The following SNX13 variants were observed in gnomAD, a reference collection of about 807,000 sequenced individuals.
SNX13 encodes the protein sorting nexin 13.
A neutral mutation model predicts 133.6 loss-of-function variants in SNX13; 45 were observed. The observed-to-expected ratio is 0.34, with a 90% CI of 0.27 to 0.43. The LOEUF (loss-of-function observed/expected upper bound fraction) is 0.43. SNX13 is among the 20% of genes least tolerant of loss of function. The pLI is 1.00. For synonymous variants in SNX13, 414 were observed against 373.9 expected (o/e 1.11, Z -1.24); for missense variants, 1,032 against 1,145.1 (o/e 0.90, Z 1.43).
chr7:17,805,254 T>TGTGTGTGC lies in SNX13; in HGVS notation c.2065-1675_2065-1674insGCACACAC, dbSNP rs537620797. On this transcript the variant is annotated intron_variant, in intron 20 of 25. Coordinates refer to ENST00000428135, the MANE Select transcript of SNX13 (RefSeq NM_015132.5). ...GTGTGTGTGTGTGTGTGTGTGTGCG[T>TGTGTGTGC]GCGCGCGCGCGCATGCATGCACATG... Among the ~76,000 whole-genome samples, 865 of 132,458 alleles carry TGTGTGTGC rather than the reference T, an allele frequency of 6.5e-3. 23 individuals carry two copies. Among genetic ancestry groups the TGTGTGTGC allele is most frequent in the East Asian group, 0.034 (160 of 4,644 alleles). 86.9% of individuals were successfully genotyped at this position (132,458 alleles called of 152,430 possible). A position where few individuals can be genotyped will look rare whatever the true frequency, so the allele number is the denominator to read the frequency against.
At chr7:17,882,375 A>G (rs1795447349) in intron 5 of SNX13, 1 of 152,210 alleles carries the variant, frequency 6.6e-6, no homozygotes, top group Admixed American at 6.5e-5. Context: ...TCTATAAAGA[A>G]CAGCAATAGT....
intron 5 of SNX13, among the ~76,000 whole-genome samples, chr7:17,887,349 G>C (rs1796120716): frequency 6.6e-6 from 1 of 152,138 alleles, no homozygotes; most frequent in Non-Finnish European, 1.5e-5. Flanking sequence ...TATTTAGAGG[G>C]TGAATAAAAA....
At chr7:17,908,495 T>C (rs946764007) in intron 1 of SNX13, among the ~76,000 whole-genome samples, 4 of 152,150 alleles carry the variant, frequency 2.6e-5, no homozygotes, top group Non-Finnish European at 5.9e-5. Flanking sequence ...GAAATTGTTA[T>C]CTCCCATGAA....
chr7:17,845,841 T>C (rs1038696113), intron 11 of SNX13, 147 bp from the exon 12 acceptor site: 5 of 521,218 alleles, frequency 9.6e-6, no homozygotes, highest in African/African-American at 2.0e-5. Flanking sequence ...CCAATAGATA[T>C]ACATTGTGTG....
At chr7:17,899,162 C>CA in intron 1 of SNX13, 1 of 152,318 alleles carries the variant, frequency 6.6e-6, no homozygotes, top group South Asian at 2.1e-4. Flanking sequence ...GTACAACTTC[C>CA]ACTGAGAAGT....
chr7:17,938,792 T>G (rs1224630233), intron 1 of SNX13, among the ~76,000 whole-genome samples: 1 of 152,224 alleles, frequency 6.6e-6, no homozygotes, highest in Non-Finnish European at 1.5e-5. Flanking sequence ...GATCATATCA[T>G]ATAATATTAC....
intron 20 of SNX13, among the ~76,000 whole-genome samples, chr7:17,805,254 T>TGCCTGCGCGCGCGCGCGCGC: frequency 7.6e-6 from 1 of 132,440 alleles, no homozygotes; most frequent in Non-Finnish European, 1.6e-5. Context: ...TGTGTGTGCG[T>TGCCTGCGCGCGCGCGCGCGC]GCGCGCGCGC....
intron 1 of SNX13, chr7:17,898,090 T>C (rs79633583): frequency 3.3e-5 from 5 of 151,696 alleles, no homozygotes; most frequent in African/African-American, 1.2e-4. Context: ...AAAAAAAACC[T>C]ATTTCATACA....
chr7:17,822,761 G>C (rs1354070833), intron 17 of SNX13, among the ~76,000 whole-genome samples: 1 of 152,166 alleles, frequency 6.6e-6, no homozygotes, highest in African/African-American at 2.4e-5. Flanking sequence ...ACATTGAACA[G>C]TGTCAAGTGT....
chr7:17,868,217 T>G (rs1417928669), intron 9 of SNX13, 190 bp downstream of exon 9: 1 of 528,530 alleles, frequency 1.9e-6, no homozygotes, highest in Non-Finnish European at 3.3e-6. Flanking sequence ...AACAAAATTC[T>G]TAAAGAGAAT....
At chr7:17,816,458 T>C (rs1786675543) in intron 18 of SNX13, among the ~76,000 whole-genome samples, 169 bp from the exon 19 acceptor site, 1 of 152,128 alleles carries the variant, frequency 6.6e-6, no homozygotes, top group Non-Finnish European at 1.5e-5. Flanking sequence ...GGTCGGGAGT[T>C]TGAGATCAGC....
At chr7:17,861,969 T>C (rs373379377) in intron 9 of SNX13, among the ~76,000 whole-genome samples, 38 of 152,328 alleles carry the variant, frequency 2.5e-4, no homozygotes, top group African/African-American at 9.1e-4. Context: ...AAATTCTTTC[T>C]TGAGGAGGCA....
intron 3 of SNX13, among the ~76,000 whole-genome samples, chr7:17,892,936 A>G (rs1260715062): frequency 6.6e-6 from 1 of 152,178 alleles, no homozygotes; most frequent in Non-Finnish European, 1.5e-5. Flanking sequence ...TACAAGCTGT[A>G]TTTTTCAAAG....
chr7:17,791,397 A>T lies in SNX13; in HGVS notation c.*2648T>A, dbSNP rs1227997395. The stretch of plus-strand genomic sequence containing the variant: ...AAGTTTTTGTTTTTTTTTTTTTTAA[A>T]AAAATTAAGGCTAACCAAGTGCATC... On this transcript the variant is annotated 3_prime_UTR_variant, in exon 26 of 26. Coordinates refer to ENST00000428135, the MANE Select transcript of SNX13 (RefSeq NM_015132.5). 5 of 151,338 alleles carry T rather than the reference A, an allele frequency of 3.3e-5. No homozygotes were observed. Among genetic ancestry groups the T allele is most frequent in the African/African-American group, 1.2e-4 (5 of 41,210 alleles). The allele number at this position is 151,338 out of a possible 1,614,324, so 9.4% of individuals were successfully genotyped here.
intron 3 of SNX13, among the ~76,000 whole-genome samples, chr7:17,892,384 G>A (rs1215667896): frequency 6.6e-6 from 1 of 151,312 alleles, no homozygotes; most frequent in Non-Finnish European, 1.5e-5. Context: ...TTACTGTTAA[G>A]GATCTTAATT....
chr7:17,890,214 G>A (rs1796477904), intron 5 of SNX13, 149 bp downstream of exon 5: 1 of 621,338 alleles, frequency 1.6e-6, no homozygotes. Flanking sequence ...AAGAGCTCTA[G>A]TTGTAAAATC....
At chr7:17,925,641 G>GAC (rs1466476631) in intron 1 of SNX13, among the ~76,000 whole-genome samples, 1 of 152,202 alleles carries the variant, frequency 6.6e-6, no homozygotes, top group Non-Finnish European at 1.5e-5. Flanking sequence ...CTCCCCATGA[G>GAC]ACACTTGGCA....
chr7:17,856,298 T>C (rs1362455648), intron 9 of SNX13, among the ~76,000 whole-genome samples: 1 of 152,148 alleles, frequency 6.6e-6, no homozygotes, highest in African/African-American at 2.4e-5. Flanking sequence ...CTCATGGTAA[T>C]GACAATCCAA....
At chr7:17,796,761 G>T in intron 25 of SNX13, 66 bp downstream of exon 25, 1 of 1,169,680 alleles carries the variant, frequency 8.5e-7, no homozygotes, top group Non-Finnish European at 1.3e-6. Context: ...ACACTGGCAT[G>T]ATGAATGCTA....
Sources: gnomAD v4.1 joint callset for allele counts (sites outside exome capture counted in the v4.1 genomes callset) on GRCh38, gnomAD v4.1.1 for gene constraint, MANE v1.5 for transcripts, NCBI Gene and HGNC (gene_info 2026-07-23, HGNC 2026-07-21) for gene names.